PHLPP1: variants seen among roughly 807,000 people sequenced by gnomAD.
PHLPP1 encodes the protein PH domain and leucine rich repeat protein phosphatase 1.
PHLPP1 carries 42 observed loss-of-function variants against 117.2 expected under a neutral mutation model. That is an observed-to-expected ratio of 0.36 (90% CI 0.28 to 0.46). PHLPP1 has a LOEUF of 0.46. PHLPP1 is among the 20% of genes least tolerant of loss of function. The pLI, the probability that PHLPP1 is intolerant of heterozygous loss-of-function variation, is 1.00. For missense variants in PHLPP1, 2,084 were observed against 2,241.9 expected (o/e 0.93, Z 1.42); for synonymous variants, 1,042 against 970.7 (o/e 1.07, Z -1.37).
intron 1 of PHLPP1, among the ~76,000 whole-genome samples, chr18:62,755,071 A>T (rs902442169): frequency 6.6e-6 from 1 of 152,010 alleles, no homozygotes; most frequent in Non-Finnish European, 1.5e-5. Context: ...CAGCTAGACA[A>T]CAGCATTTTG....
intron 9 of PHLPP1, among the ~76,000 whole-genome samples, chr18:62,917,759 A>G (rs1250368019): frequency 6.6e-6 from 1 of 151,692 alleles, no homozygotes; most frequent in Non-Finnish European, 1.5e-5. Context: ...GGTTACAGTG[A>G]CCTATGATTG....
At chr18:62,841,752 C>T (rs1335004903) in intron 3 of PHLPP1, among the ~76,000 whole-genome samples, 4 of 152,158 alleles carry the variant, frequency 2.6e-5, no homozygotes, top group African/African-American at 9.7e-5. Context: ...TTTACATATA[C>T]AGCATACATT....
intron 12 of PHLPP1, among the ~76,000 whole-genome samples, chr18:62,948,273 C>T (rs1051869902): frequency 6.6e-6 from 1 of 151,392 alleles, no homozygotes; most frequent in Non-Finnish European, 1.5e-5. Flanking sequence ...TACAGTGAGC[C>T]GAGATCACAC....
At chr18:62,917,396 T>TTGTGTG (rs34407573) in intron 9 of PHLPP1, among the ~76,000 whole-genome samples, 26,165 of 141,298 alleles carry the variant, frequency 0.19, 2,596 homozygotes, top group Middle Eastern at 0.23. Flanking sequence ...ACAGTATTCT[T>TTGTGTG]TGTGTGTGTG....
intron 1 of PHLPP1, among the ~76,000 whole-genome samples, chr18:62,817,554 C>T (rs767396005): frequency 2.6e-4 from 40 of 151,318 alleles, no homozygotes; most frequent in Non-Finnish European, 4.3e-4. Flanking sequence ...TGATTACCAA[C>T]GATGAAACAT....
intron 3 of PHLPP1, chr18:62,839,684 T>C (rs1915001960): frequency 6.7e-6 from 1 of 148,902 alleles, no homozygotes; most frequent in Non-Finnish European, 1.5e-5. Context: ...ACCATTACAC[T>C]ACAGCCTTGG....
chr18:62,979,447 T>G lies in PHLPP1; in HGVS notation c.*16T>G. ...GCCACTATGACCCAGCCGAGCTGTT[T>G]AACAAATAAACTAACCACAAAAGAC... On this transcript the variant is annotated 3_prime_UTR_variant, in exon 17 of 17. Transcript: ENST00000262719. The G allele has an allele frequency of 6.5e-7, 1 of 1,547,814 alleles. No individual in the cohort carries two copies. The highest frequency in any genetic ancestry group is 8.7e-7 in the Non-Finnish European group (1 of 1,144,646).
chr18:62,958,792 A>G (rs1910692012), intron 13 of PHLPP1, 33 bp downstream of exon 13: 2 of 1,610,446 alleles, frequency 1.2e-6, no homozygotes, highest in South Asian at 1.1e-5. Context: ...TATCCCCATC[A>G]TTGTCCACTG....
Position 62,715,611 on chromosome 18 carries a change from C to T in PHLPP1, c.-73C>T. 2 of 1,048,680 alleles carry T rather than the reference C, an allele frequency of 1.9e-6. No homozygotes were observed. The highest frequency in any genetic ancestry group is 1.2e-6 in the Non-Finnish European group (1 of 815,486). 65.0% of individuals were successfully genotyped at this position (1,048,680 alleles called of 1,614,324 possible). ...TTCTCCGCGCGCCGCCGCCGTCTCCCACCTCCGCCTCATCGCCTCCCTCTC... is the reference window on the plus strand; with the variant it reads ...TTCTCCGCGCGCCGCCGCCGTCTCCTACCTCCGCCTCATCGCCTCCCTCTC... On this transcript the variant is annotated 5_prime_UTR_variant, in exon 1 of 17. Transcript: ENST00000262719.
chr18:62,770,743 G>T (rs541170174), intron 1 of PHLPP1, among the ~76,000 whole-genome samples: 1 of 151,880 alleles, frequency 6.6e-6, no homozygotes, highest in African/African-American at 2.4e-5. Flanking sequence ...ATTTTTTTGG[G>T]GGGGGTGGGG....
At chr18:62,735,567 C>A (rs1041795677) in intron 1 of PHLPP1, among the ~76,000 whole-genome samples, 41 of 111,792 alleles carry the variant, frequency 3.7e-4, no homozygotes, top group Admixed American at 8.4e-4. Context: ...CCCATCAAAA[C>A]AACAACAACA....
intron 4 of PHLPP1, among the ~76,000 whole-genome samples, chr18:62,891,247 A>G (rs1023919551): frequency 6.6e-6 from 1 of 152,194 alleles, no homozygotes; most frequent in South Asian, 2.1e-4. Context: ...AGCAACATTT[A>G]TTTATGTCAA....
chr18:62,780,338 A>C (rs1913082417), intron 1 of PHLPP1, among the ~76,000 whole-genome samples: 1 of 152,214 alleles, frequency 6.6e-6, no homozygotes, highest in African/African-American at 2.4e-5. Context: ...AGTATTATTT[A>C]AGTGGATAAT....
Position 62,716,003 on chromosome 18 carries a change from C to A in PHLPP1, c.320C>A (p.Ala107Asp). ...CCCCAGCCCATTGCCGGCGGGGCTGCCCCCGTACCCGGGGCCGGCGGCGGC... is the reference window on the plus strand; with the variant it reads ...CCCCAGCCCATTGCCGGCGGGGCTGACCCCGTACCCGGGGCCGGCGGCGGC... ...GAPQPIAGGA[A>D]PVPGAGGGAN... Residue 107 changes from alanine to aspartate, a missense_variant, in exon 1 of 17, where the codon GCC (alanine) becomes GAC (aspartate). This residue lies in a region of PHLPP1 where 719 missense variants were observed against 636.0 expected (regional missense o/e 1.13). Coordinates refer to ENST00000262719, the MANE Select transcript of PHLPP1 (RefSeq NM_194449.4). This position sits in a 1 kb window ranked among gnomAD's most constrained non-coding sequence, Gnocchi z 5.7. The A allele has an allele frequency of 7.3e-7, 1 of 1,371,644 alleles. No homozygotes were observed. Among genetic ancestry groups the A allele is most frequent in the Non-Finnish European group, 9.3e-7 (1 of 1,071,326 alleles). The allele number at this position is 1,371,644 out of a possible 1,614,324, so 85.0% of individuals were successfully genotyped here.
chr18:62,834,462 A>C (rs1472826228), intron 2 of PHLPP1, among the ~76,000 whole-genome samples: 1 of 152,192 alleles, frequency 6.6e-6, no homozygotes, highest in African/African-American at 2.4e-5. Flanking sequence ...GGGGACAATG[A>C]AGAACTATTC....
chr18:62,840,591 T>C (rs1335697850), intron 3 of PHLPP1, among the ~76,000 whole-genome samples: 3 of 152,210 alleles, frequency 2.0e-5, no homozygotes, highest in African/African-American at 4.8e-5. Flanking sequence ...TTGAAAGCAG[T>C]GAGTCAATTG....
chr18:62,902,991 A>G lies in PHLPP1; in HGVS notation c.2472A>G (p.Ala824=). 6.2e-7 allele frequency: 1 copy of G among 1,612,374 alleles called. No homozygotes were observed. The highest frequency in any genetic ancestry group is 8.5e-7 in the Non-Finnish European group (1 of 1,179,342). ...LRLNVIRKLI[A]DEVDFLQHVT... is the part of the protein sequence containing the mutation. ...TGAACGTAATTAGGAAGCTGATAGC[A>G]GATGAAGTGGACTTTCTACAGCATG... The change falls in exon 7 of 17, where the codon GCA becomes GCG. Residue 824 remains alanine, a synonymous_variant. Transcript: ENST00000262719.
At chr18:62,860,400 G>A (rs1486724567) in intron 3 of PHLPP1, 35 bp from the exon 4 acceptor site, 2 of 1,574,140 alleles carry the variant, frequency 1.3e-6, no homozygotes, top group African/African-American at 1.3e-5. Context: ...TAGGATAAGT[G>A]GATGGTATTA....
chr18:62,810,888 A>T (rs935844779), intron 1 of PHLPP1, among the ~76,000 whole-genome samples: 1 of 152,236 alleles, frequency 6.6e-6, no homozygotes, highest in African/African-American at 2.4e-5. Context: ...TTGTCCCCCA[A>T]TTCTGTCCAG....
Sources: gnomAD v4.1 joint callset for allele counts (sites outside exome capture counted in the v4.1 genomes callset) on GRCh38, gnomAD v4.1.1 for gene constraint, gnomAD v4.1.1 regional missense constraint, Gnocchi (gnomAD v3.1) non-coding constraint, MANE v1.5 for transcripts, NCBI Gene and HGNC (gene_info 2026-07-23, HGNC 2026-07-21) for gene names.